CASTOR2: variants seen among roughly 807,000 people sequenced by gnomAD.
The protein encoded by CASTOR2 is cytosolic arginine sensor for mTORC1 subunit 2.
Under a neutral mutation model 31.2 loss-of-function variants are expected in CASTOR2, and 8 were observed. The observed-to-expected ratio is 0.26, with a 90% CI of 0.15 to 0.46. The LOEUF is 0.46. CASTOR2 is among the 20% of genes least tolerant of loss of function. The pLI, the probability that CASTOR2 is intolerant of heterozygous loss-of-function variation, is 0.99. For synonymous variants in CASTOR2, 162 were observed against 158.7 expected, an observed-to-expected ratio of 1.02 and a Z score of -0.16; for missense variants, 216 against 382.1, an observed-to-expected ratio of 0.57 and a Z score of 3.62.
intron 1 of CASTOR2, among the ~76,000 whole-genome samples, chr7:74,983,667 C>T (rs1803997451): frequency 6.6e-6 from 1 of 151,472 alleles, no homozygotes; most frequent in Non-Finnish European, 1.5e-5. Context: ...GCACACTTGA[C>T]CTGCTTATGT....
chr7:75,018,978 G>T lies in CASTOR2; in HGVS notation c.518G>T (p.Arg173Met), dbSNP rs1156339979. Residue 173 changes from arginine to methionine, a missense_variant, in exon 5 of 9, where the codon AGG (arginine) becomes ATG (methionine). Physicochemically the swap from Arg to Met is moderately conservative, Grantham distance 91. This residue lies in a region of CASTOR2 where 114 missense variants were observed against 194.2 expected (regional missense o/e 0.59). Coordinates refer to ENST00000616305, the MANE Select transcript of CASTOR2 (RefSeq NM_001145064.3). Reference sequence around the variant, plus strand: ...CATCTTTGTGCTCTTACAGTCCAGAGGCCAGTCATCCACCCACTGTCCAGC... The same window carrying T: ...CATCTTTGTGCTCTTACAGTCCAGATGCCAGTCATCCACCCACTGTCCAGC... ...NGFVKPKLVQRPVIHPLSSPS... is the reference protein window; with the variant it reads ...NGFVKPKLVQMPVIHPLSSPS... 11 of 1,551,878 alleles carry T rather than the reference G, an allele frequency of 7.1e-6. No homozygotes were observed. Among genetic ancestry groups the T allele is most frequent in the Non-Finnish European group, 9.6e-6 (11 of 1,147,060 alleles).
intron 1 of CASTOR2, among the ~76,000 whole-genome samples, chr7:74,992,081 G>A (rs1804224756): frequency 6.6e-6 from 1 of 152,066 alleles, no homozygotes; most frequent in Non-Finnish European, 1.5e-5. Flanking sequence ...TGAAGGGCAG[G>A]CTGGGGGCAT....
In CASTOR2 at chr7:75,025,300, C is replaced by T. The variant is rs1305014459; in HGVS notation, c.*601C>T. Among the ~76,000 whole-genome samples, 2 of 152,196 alleles carry T rather than the reference C, an allele frequency of 1.3e-5. No homozygotes were observed. Among genetic ancestry groups the T allele is most frequent in the African/African-American group, 4.8e-5 (2 of 41,454 alleles). On this transcript the variant is annotated 3_prime_UTR_variant, in exon 9 of 9. Coordinates refer to ENST00000616305, the MANE Select transcript of CASTOR2 (RefSeq NM_001145064.3). ...CCCGAGCTGGGAAGGACCCAGACTC[C>T]CCCTGTACCTCGCCTGCCAACCACA... is the stretch of plus-strand genomic sequence containing the variant.
chr7:75,012,187 ACT>A (rs1213983075), intron 2 of CASTOR2, among the ~76,000 whole-genome samples: 1 of 151,868 alleles, frequency 6.6e-6, no homozygotes, highest in Non-Finnish European at 1.5e-5. Context: ...GTCTGAGAAG[ACT>A]CTCAGGGGGC....
chr7:75,004,986 C>G (rs1209987502), intron 1 of CASTOR2, among the ~76,000 whole-genome samples: 3 of 151,986 alleles, frequency 2.0e-5, no homozygotes, highest in Admixed American at 2.0e-4. Context: ...CTGCCTCTGC[C>G]TCCCCAGTAG....
intron 7 of CASTOR2, among the ~76,000 whole-genome samples, chr7:75,024,149 G>T (rs916641483): frequency 6.6e-6 from 1 of 152,128 alleles, no homozygotes; most frequent in Non-Finnish European, 1.5e-5. Context: ...AATTAGCTGG[G>T]CATGGTGGTA....
intron 2 of CASTOR2, among the ~76,000 whole-genome samples, chr7:75,016,357 T>C (rs1804863154): frequency 3.3e-5 from 5 of 152,306 alleles, no homozygotes; most frequent in African/African-American, 9.6e-5. Context: ...TAAGGAGGCT[T>C]AGCAGTTGCT....
rs1311816254 is a variant in CASTOR2 at position 74,994,253 on chromosome 7, A to C, written c.114-13741A>C. Among the ~76,000 whole-genome samples the C allele has an allele frequency of 2.0e-5, 3 of 151,896 alleles. No individual in the cohort carries two copies. The South Asian group carries it at 6.2e-4, about 32-fold the overall frequency. On this transcript the variant is annotated intron_variant, in intron 1 of 8. Coordinates refer to ENST00000616305, the MANE Select transcript of CASTOR2 (RefSeq NM_001145064.3). ...AAGGCCAGGGTTGGGTGGTGGGGGG[A>C]ACAATGGATTTTGAGAGTCAGCGAC...
chr7:74,983,940 C>T (rs1451606830), intron 1 of CASTOR2, among the ~76,000 whole-genome samples: 1 of 151,282 alleles, frequency 6.6e-6, no homozygotes, highest in Non-Finnish European at 1.5e-5. Context: ...GCCACCACAC[C>T]TGGCTAATTT....
chr7:74,980,800 G>GT (rs1803931173), intron 1 of CASTOR2, among the ~76,000 whole-genome samples: 1 of 77,044 alleles, frequency 1.3e-5, no homozygotes, highest in African/African-American at 8.3e-5. Context: ...GGGGTCTATA[G>GT]TAAGGAGACT....
At chr7:75,024,271 T>A (rs1473747325) in intron 7 of CASTOR2, among the ~76,000 whole-genome samples, 169 bp from the exon 8 acceptor site, 2 of 151,964 alleles carry the variant, frequency 1.3e-5, no homozygotes, top group African/African-American at 4.8e-5. Context: ...GCCTGGGCGA[T>A]GGAGCGAGAC....
intron 1 of CASTOR2, among the ~76,000 whole-genome samples, chr7:74,977,671 G>A (rs1259099890): frequency 1.3e-5 from 2 of 150,206 alleles, no homozygotes; most frequent in Non-Finnish European, 3.0e-5. Context: ...ATGAGCCACC[G>A]CACCTGGCCT....
intron 2 of CASTOR2, among the ~76,000 whole-genome samples, chr7:75,008,895 T>C (rs1470063193): frequency 6.6e-6 from 1 of 152,060 alleles, no homozygotes; most frequent in East Asian, 1.9e-4. Flanking sequence ...GACTGTAGTG[T>C]GCCATGATCA....
rs1052863624 is a variant in CASTOR2 at position 75,029,352 on chromosome 7, A to G, written c.*4653A>G. Among the ~76,000 whole-genome samples the G allele has an allele frequency of 1.0e-4, 15 of 148,154 alleles. No homozygotes were observed. The highest frequency in any genetic ancestry group is 3.7e-4 in the African/African-American group (15 of 40,054). On this transcript the variant is annotated 3_prime_UTR_variant, in exon 9 of 9. Transcript: ENST00000616305. ...AGGGCAAGAGCACCTCAGCCCTGCA[A>G]TGGGGGGATCTTTTTTTTTTTTTTT...
intron 6 of CASTOR2, among the ~76,000 whole-genome samples, chr7:75,020,768 C>T (rs587698578): frequency 2.0e-5 from 3 of 151,896 alleles, no homozygotes; most frequent in Non-Finnish European, 2.9e-5. Context: ...GGATTACTGG[C>T]ATGAGCCACC....
At chr7:75,002,341 G>T (rs1804517530) in intron 1 of CASTOR2, among the ~76,000 whole-genome samples, 1 of 152,032 alleles carries the variant, frequency 6.6e-6, no homozygotes, top group Non-Finnish European at 1.5e-5. Flanking sequence ...CATTTAGGCT[G>T]GGCGAGGTGG....
Position 74,974,348 on chromosome 7 carries a change from G to A in CASTOR2, c.113+9250G>A, listed in dbSNP as rs185029789. ...GTAGGCAGGGCCTGATAGGAAGCGCGAAAGGAGTTTCTGTCCCGTGGGAGG... is the reference window on the plus strand; with the variant it reads ...GTAGGCAGGGCCTGATAGGAAGCGCAAAAGGAGTTTCTGTCCCGTGGGAGG... On this transcript the variant is annotated intron_variant, in intron 1 of 8. Coordinates refer to ENST00000616305, the MANE Select transcript of CASTOR2 (RefSeq NM_001145064.3). Among the ~76,000 whole-genome samples, 45 of 149,856 alleles carry A rather than the reference G, an allele frequency of 3.0e-4. 2 individuals carry two copies. In the East Asian group the frequency reaches 3.2e-3, roughly 11 times the overall value.
intron 1 of CASTOR2, among the ~76,000 whole-genome samples, chr7:75,004,089 C>G (rs1804556765): frequency 6.6e-6 from 1 of 152,126 alleles, no homozygotes. Flanking sequence ...GTTTGCCTCC[C>G]CGGGGCTCTC....
In CASTOR2 at chr7:75,026,415, T is replaced by C. The variant is rs1376470934; in HGVS notation, c.*1716T>C. ...AACATTGCTCAGGCTGGTCTTGAAC[T>C]CCTGAGTTAAGTGATCCGCCTGCCT... On this transcript the variant is annotated 3_prime_UTR_variant, in exon 9 of 9. Coordinates refer to ENST00000616305, the MANE Select transcript of CASTOR2 (RefSeq NM_001145064.3). Among the ~76,000 whole-genome samples the C allele has an allele frequency of 6.6e-6, 1 of 151,776 alleles. No individual in the cohort carries two copies. Among genetic ancestry groups the C allele is most frequent in the Admixed American group, 6.6e-5 (1 of 15,216 alleles).
Sources: gnomAD v4.1 joint callset for allele counts (sites outside exome capture counted in the v4.1 genomes callset) on GRCh38, gnomAD v4.1.1 for gene constraint, gnomAD v4.1.1 regional missense constraint, MANE v1.5 for transcripts, NCBI Gene and HGNC (gene_info 2026-07-23, HGNC 2026-07-21) for gene names.